ZNF461: variants seen among roughly 807,000 people sequenced by gnomAD.
The protein encoded by ZNF461 is zinc finger protein 461.
In ZNF461, 16 loss-of-function variants were observed where a neutral mutation model predicts 18.3. That is an observed-to-expected ratio of 0.88 (90% confidence interval 0.59 to 1.33). The LOEUF is 1.33. Ranked by LOEUF, ZNF461 falls within the 40% of genes most tolerant of loss-of-function variation. The pLI is 0.00. For missense variants in ZNF461, 595 were observed against 669.9 expected, an observed-to-expected ratio of 0.89 and a Z score of 1.23; for synonymous variants, 179 against 216.9, an observed-to-expected ratio of 0.83 and a Z score of 1.54.
intron 4 of ZNF461, among the ~76,000 whole-genome samples, chr19:36,655,491 C>T (rs937122837): frequency 6.6e-6 from 1 of 152,130 alleles, no homozygotes; most frequent in African/African-American, 2.4e-5. Flanking sequence ...TCCAGCTACT[C>T]AGGAAACTTA....
intron 3 of ZNF461, among the ~76,000 whole-genome samples, 192 bp from the exon 4 acceptor site, chr19:36,656,735 A>C (rs894140917): frequency 6.6e-6 from 1 of 152,188 alleles, no homozygotes; most frequent in Non-Finnish European, 1.5e-5. Context: ...AAAGCAAACA[A>C]ACAGGCGATA....
At chr19:36,648,074 G>A (rs757659061) in intron 4 of ZNF461, among the ~76,000 whole-genome samples, 5 of 152,046 alleles carry the variant, frequency 3.3e-5, no homozygotes, top group Non-Finnish European at 5.9e-5. Flanking sequence ...CCACCTACTC[G>A]GGAGGCTGAG....
At position 36,638,877 on chromosome 19, in the gene ZNF461, T is replaced by C; in HGVS notation, c.1468A>G (p.Ile490Val). The C allele has an allele frequency of 6.2e-7, 1 of 1,605,998 alleles. No individual in the cohort carries two copies. Among genetic ancestry groups the C allele is most frequent in the Non-Finnish European group, 8.5e-7 (1 of 1,174,656 alleles). Residue 490 changes from isoleucine to valine, a missense_variant, in exon 6 of 6, where the codon ATT becomes GTT. Physicochemically the swap from Ile to Val is conservative, Grantham distance 29. Coordinates refer to ENST00000588268, the MANE Select transcript of ZNF461 (RefSeq NM_153257.5). Reference sequence around the variant, plus strand: ...TCATAGGGTTTCTCACCAGTATGAATTCTTTGATGTTGAATAAGGTGTGAA... The same window carrying C: ...TCATAGGGTTTCTCACCAGTATGAACTCTTTGATGTTGAATAAGGTGTGAA... The part of the protein sequence containing the change: ...LHSHLIQHQR[I>V]HTGEKPYECK...
intron 4 of ZNF461, among the ~76,000 whole-genome samples, chr19:36,655,055 C>A (rs2037692460): frequency 6.6e-6 from 1 of 152,184 alleles, no homozygotes; most frequent in African/African-American, 2.4e-5. Context: ...GTGGTACAAT[C>A]TTGGCTCACT....
In ZNF461 at chr19:36,637,152, G is replaced by A. The variant is rs1417801489; in HGVS notation, c.*1501C>T. On this transcript the variant is annotated 3_prime_UTR_variant, in exon 6 of 6. Transcript: ENST00000588268. The stretch of plus-strand genomic sequence containing the variant: ...GCTAAATCCAATAAATTGCATGTTA[G>A]AATGCATGTTAACATTATCTATTGG... The A allele has an allele frequency of 6.6e-6, 1 of 151,894 alleles. No homozygotes were observed. The highest frequency in any genetic ancestry group is 1.5e-5 in the Non-Finnish European group (1 of 67,994). The allele number at this position is 151,894 out of a possible 1,614,324, so 9.4% of individuals were successfully genotyped here.
intron 4 of ZNF461, among the ~76,000 whole-genome samples, chr19:36,648,826 C>T (rs2037574633): frequency 6.6e-6 from 1 of 152,148 alleles, no homozygotes; most frequent in South Asian, 2.1e-4. Flanking sequence ...AGTGATCCAC[C>T]TGCTTCGGCC....
Position 36,641,070 on chromosome 19 carries a change from G to A in ZNF461, c.302-1027C>T, listed in dbSNP as rs898610108. 1.8e-4 allele frequency among the ~76,000 whole-genome samples: 28 copies of A among 152,250 alleles called. No individual in the cohort carries two copies. The Middle Eastern group carries it at 0.014, about 74-fold the overall frequency. ...TAGAGCTTCATAGCTTCTTCCATGT[G>A]CTAAGAATCTTTTTGCCTAGATTTT... On this transcript the variant is annotated intron_variant, in intron 5 of 5. Coordinates refer to ENST00000588268, the MANE Select transcript of ZNF461 (RefSeq NM_153257.5).
intron 4 of ZNF461, among the ~76,000 whole-genome samples, chr19:36,646,000 G>A (rs1210960237): frequency 6.6e-6 from 1 of 151,722 alleles, no homozygotes; most frequent in Non-Finnish European, 1.5e-5. Context: ...GGCCAGGCTG[G>A]TCTGGAACTT....
chr19:36,645,027 T>A (rs980572715), intron 4 of ZNF461: 2 of 152,302 alleles, frequency 1.3e-5, no homozygotes, highest in Non-Finnish European at 2.9e-5. Context: ...GAGACCAGCC[T>A]GGACAACATA....
chr19:36,639,100 A>G lies in ZNF461; in HGVS notation c.1245T>C (p.Cys415=). Residue 415 remains cysteine (C), a synonymous_variant, in exon 6 of 6, where the codon TGT becomes TGC. Transcript: ENST00000588268. ...CACAAAAAGCCTTCCCACATTCATG[A>G]CATTCATAAGGTTTCTTGCCAGAAT... ...KIHSGKKPYE[C]HECGKAFCDG... 2 of 1,611,648 alleles carry G rather than the reference A, an allele frequency of 1.2e-6. No homozygotes were observed. The highest frequency in any genetic ancestry group is 1.7e-6 in the Non-Finnish European group (2 of 1,179,454).
intron 4 of ZNF461, among the ~76,000 whole-genome samples, chr19:36,654,945 T>C (rs2037690786): frequency 1.3e-5 from 2 of 152,186 alleles, no homozygotes; most frequent in African/African-American, 4.8e-5. Context: ...CTATAACACT[T>C]TAAAAATGTA....
intron 4 of ZNF461, among the ~76,000 whole-genome samples, chr19:36,655,586 G>C (rs547902208): frequency 1.5e-3 from 234 of 152,274 alleles, no homozygotes; most frequent in Middle Eastern, 3.4e-3. Context: ...CTGAGTGACA[G>C]AGTGAAACCC....
chr19:36,662,998 C>T (rs1444725715), intron 2 of ZNF461, among the ~76,000 whole-genome samples: 2 of 152,044 alleles, frequency 1.3e-5, no homozygotes, highest in African/African-American at 4.8e-5. Flanking sequence ...TCTCTTACTG[C>T]TGGTAAGTGT....
At chr19:36,658,059 TA>T (rs1359302918) in intron 3 of ZNF461, 1 of 475,286 alleles carries the variant, frequency 2.1e-6, no homozygotes, top group East Asian at 3.6e-5. Context: ...TTCTGCCCCT[TA>T]AACATCAAGG....
intron 2 of ZNF461, among the ~76,000 whole-genome samples, chr19:36,662,334 C>A (rs530085193): frequency 6.6e-6 from 1 of 152,034 alleles, no homozygotes; most frequent in African/African-American, 2.4e-5. Flanking sequence ...CGGCTCACTG[C>A]AATATCCTCC....
At chr19:36,648,214 G>T (rs547730249) in intron 4 of ZNF461, among the ~76,000 whole-genome samples, 1 of 150,448 alleles carries the variant, frequency 6.6e-6, no homozygotes, top group African/African-American at 2.4e-5. Context: ...ACCTCCCCAC[G>T]CCCCCCACTC....
At chr19:36,662,260 T>C (rs372207318) in intron 2 of ZNF461, among the ~76,000 whole-genome samples, 2 of 152,130 alleles carry the variant, frequency 1.3e-5, no homozygotes, top group South Asian at 4.2e-4. Context: ...CTTTTTAATT[T>C]AATTTAATTT....
rs74626849 is a variant in ZNF461, at chr19:36,638,551, T to C, written c.*102A>G. ...CACTTTCTCACTTAAAAACATTTGA[T>C]TTTCAAGGATTATTTAAATAAATAA... On this transcript the variant is annotated 3_prime_UTR_variant, in exon 6 of 6. Transcript: ENST00000588268. 2,420 of 962,068 alleles carry C rather than the reference T, an allele frequency of 2.5e-3. 48 individuals are homozygous for C. In the African/African-American group the frequency reaches 0.034, roughly 13 times the overall value. 59.6% of individuals were successfully genotyped at this position (962,068 alleles called of 1,614,324 possible). A position where few individuals can be genotyped will look rare whatever the true frequency, so the allele number is the denominator to read the frequency against.
At chr19:36,656,310 A>G in intron 4 of ZNF461, 138 bp downstream of exon 4, 2 of 754,056 alleles carry the variant, frequency 2.7e-6, no homozygotes, top group Non-Finnish European at 2.3e-6. Context: ...CCAGTACCAC[A>G]CTGTTTGATT....
Sources: gnomAD v4.1 joint callset for allele counts (sites outside exome capture counted in the v4.1 genomes callset) on GRCh38, gnomAD v4.1.1 for gene constraint, MANE v1.5 for transcripts, NCBI Gene and HGNC (gene_info 2026-07-23, HGNC 2026-07-21) for gene names.